The following ABAT variants were observed in gnomAD, a reference collection of about 807,000 sequenced individuals.
ABAT encodes the protein 4-aminobutyrate aminotransferase.
Under a neutral mutation model 64.6 loss-of-function variants are expected in ABAT, and 45 were observed. That is an observed-to-expected ratio of 0.70 (90% CI 0.55 to 0.89). The LOEUF is 0.89. Ranked by LOEUF, ABAT falls within the 40% of genes least tolerant of loss-of-function variation. The pLI is 0.00. For missense variants in ABAT, 633 were observed against 658.4 expected, an observed-to-expected ratio of 0.96 and a Z score of 0.42; for synonymous variants, 297 against 250.5, an observed-to-expected ratio of 1.19 and a Z score of -1.75.
At position 8,781,674 on chromosome 16, in the gene ABAT, C is replaced by A. The variant is rs2270289; in HGVS notation, c.*244C>A. On this transcript the variant is annotated 3_prime_UTR_variant, in exon 16 of 16. Coordinates refer to ENST00000268251, the MANE Select transcript of ABAT (RefSeq NM_020686.6). The surrounding 1 kb of genome is among the most constrained non-coding windows in gnomAD (Gnocchi z 4.5). ...TTAAGCCCAGAGATCCTGCTTGAGC[C>A]CTGGACTCATCTTGGGAAGGGCCAT... is the stretch of plus-strand genomic sequence containing the variant. 0.14 allele frequency: 82,074 copies of A among 576,440 alleles called. 6,394 individuals carry two copies. The highest frequency in any genetic ancestry group is 0.2 in the East Asian group (6,231 of 30,488). The allele number at this position is 576,440 out of a possible 1,614,324, so 35.7% of individuals were successfully genotyped here. A position where few individuals can be genotyped will look rare whatever the true frequency, so the allele number is the denominator to read the frequency against.
intron 1 of ABAT, among the ~76,000 whole-genome samples, chr16:8,683,013 A>G (rs1050535124): frequency 6.6e-6 from 1 of 152,228 alleles, no homozygotes; most frequent in Non-Finnish European, 1.5e-5. Context: ...CATTGACAGC[A>G]TCTGTTACCA....
chr16:8,735,355 G>GATCCTACC (rs1243003874), intron 1 of ABAT, among the ~76,000 whole-genome samples: 4 of 151,842 alleles, frequency 2.6e-5, no homozygotes, highest in Non-Finnish European at 5.9e-5. Flanking sequence ...GGGCTCAAGC[G>GATCCTACC]ATCCTACCAC....
intron 6 of ABAT, chr16:8,760,159 T>G (rs1168012207): frequency 6.6e-6 from 1 of 152,242 alleles, no homozygotes. Flanking sequence ...CTGCTGGCCA[T>G]GTACAGCTCC....
chr16:8,701,210 A>G (rs2057814811), intron 1 of ABAT, among the ~76,000 whole-genome samples: 1 of 152,230 alleles, frequency 6.6e-6, no homozygotes, highest in African/African-American at 2.4e-5. Flanking sequence ...CTTGGATTGT[A>G]GGCGTGAGCC....
intron 1 of ABAT, among the ~76,000 whole-genome samples, chr16:8,691,897 C>T (rs987209209): frequency 6.6e-6 from 1 of 152,198 alleles, no homozygotes; most frequent in African/African-American, 2.4e-5. Flanking sequence ...CCCCAAAAGT[C>T]AATAGTGCTG....
At chr16:8,680,599 T>C (rs1203305825) in intron 1 of ABAT, among the ~76,000 whole-genome samples, 1 of 152,142 alleles carries the variant, frequency 6.6e-6, no homozygotes, top group Non-Finnish European at 1.5e-5. Context: ...CTAATTTTTT[T>C]GTATTTTTAG....
At chr16:8,721,173 T>TGGGG (rs145106265) in intron 1 of ABAT, among the ~76,000 whole-genome samples, 6,760 of 152,110 alleles carry the variant, frequency 0.044, 190 homozygotes, top group South Asian at 0.11. Context: ...ATGTCTAGTC[T>TGGGG]GGGGGTAAGA....
At chr16:8,767,326 C>T (rs990626257) in intron 9 of ABAT, among the ~76,000 whole-genome samples, 6 of 152,330 alleles carry the variant, frequency 3.9e-5, no homozygotes, top group South Asian at 2.1e-4. Context: ...TCCCCTCACC[C>T]GCTTTCTAGC....
Position 8,770,273 on chromosome 16 carries a change from G to A in ABAT, c.816+1300G>A, listed in dbSNP as rs568587931. Among the ~76,000 whole-genome samples the A allele has an allele frequency of 5.0e-4, 76 of 152,160 alleles. No homozygotes were observed. In the South Asian group the frequency reaches 0.015, roughly 30 times the overall value. On this transcript the variant is annotated intron_variant, in intron 11 of 15. Transcript: ENST00000268251. The stretch of plus-strand genomic sequence containing the variant: ...CTGCCTCAGCTTCCTGAGTAGCTGG[G>A]ACTACAGGCGCTTGACACCACACCC...
At chr16:8,766,142 T>C (rs756594820) in intron 8 of ABAT, 66 bp from the exon 9 acceptor site, 44 of 1,486,824 alleles carry the variant, frequency 3.0e-5, no homozygotes, top group Non-Finnish European at 4.1e-5. Flanking sequence ...ATCGGTTTGG[T>C]TGGAAAGATG....
At chr16:8,761,388 G>T (rs1181907713) in intron 6 of ABAT, among the ~76,000 whole-genome samples, 2 of 152,150 alleles carry the variant, frequency 1.3e-5, no homozygotes, top group Non-Finnish European at 2.9e-5. Context: ...TTCCGGCTGT[G>T]TCCCAGTCTC....
chr16:8,748,269 A>G (rs1164313411), intron 4 of ABAT, 132 bp downstream of exon 4: 6 of 839,496 alleles, frequency 7.1e-6, no homozygotes, highest in African/African-American at 6.9e-5. Context: ...ATTTTTTCTC[A>G]TTTCCTTTGT....
chr16:8,768,363 T>A (rs1265333666), intron 10 of ABAT, 107 bp downstream of exon 10: 2 of 1,024,936 alleles, frequency 2.0e-6, no homozygotes, highest in South Asian at 2.6e-5. Context: ...TCCCACTGAT[T>A]GCACACAATC....
chr16:8,710,072 C>G (rs1376502218), intron 1 of ABAT, among the ~76,000 whole-genome samples: 1 of 152,012 alleles, frequency 6.6e-6, no homozygotes, highest in African/African-American at 2.4e-5. Flanking sequence ...TTTGGCCTCC[C>G]AAAGTGCTAG....
Position 8,735,733 on chromosome 16 carries a change from A to C in ABAT, c.-7A>C, listed in dbSNP as rs1445711160. 1 of 1,599,936 alleles carries C rather than the reference A, an allele frequency of 6.3e-7. No individual in the cohort carries two copies. The highest frequency in any genetic ancestry group is 8.5e-7 in the Non-Finnish European group (1 of 1,173,176). ...ACGCAAAGGGTGTCCCTGTCCCTCA[A>C]GGGGTCATGGCCTCCATGTTGCTCG... On this transcript the variant is annotated 5_prime_UTR_variant, in exon 2 of 16. Coordinates refer to ENST00000268251, the MANE Select transcript of ABAT (RefSeq NM_020686.6).
chr16:8,771,127 C>A (rs2060093599), intron 11 of ABAT, among the ~76,000 whole-genome samples: 1 of 152,006 alleles, frequency 6.6e-6, no homozygotes, highest in Non-Finnish European at 1.5e-5. Flanking sequence ...GAAACCCCAT[C>A]TCTACTAAAA....
chr16:8,700,348 G>A (rs563254313), intron 1 of ABAT, among the ~76,000 whole-genome samples: 11 of 152,118 alleles, frequency 7.2e-5, no homozygotes, highest in Non-Finnish European at 1.5e-4. Context: ...ACATAGCAAA[G>A]TGCACTAAAC....
intron 1 of ABAT, among the ~76,000 whole-genome samples, chr16:8,732,915 G>A (rs1336408689): frequency 6.6e-6 from 1 of 150,394 alleles, no homozygotes; most frequent in Non-Finnish European, 1.5e-5. Context: ...GGGGCGGCTG[G>A]CCGGGCGGGG....
At chr16:8,698,520 G>T (rs2057752233) in intron 1 of ABAT, among the ~76,000 whole-genome samples, 1 of 152,118 alleles carries the variant, frequency 6.6e-6, no homozygotes, top group Non-Finnish European at 1.5e-5. Context: ...GTTTAGTAGA[G>T]ATGGGGTTTC....
Sources: allele counts gnomAD v4.1 joint callset (sites outside exome capture counted in the v4.1 genomes callset), GRCh38; gene constraint gnomAD v4.1.1; non-coding constraint Gnocchi (gnomAD v3.1); transcripts MANE v1.5; gene names NCBI Gene and HGNC (gene_info 2026-07-23, HGNC 2026-07-21).